UTRN: variants seen among roughly 807,000 people sequenced by gnomAD.
UTRN encodes the protein dystrophin-related protein 1.
Under a neutral mutation model 463.9 loss-of-function variants are expected in UTRN, and 283 were observed. The ratio of observed to expected loss-of-function variants is 0.61; its 90% CI spans 0.55 to 0.67. UTRN has a LOEUF of 0.67. UTRN is among the 30% of genes least tolerant of loss of function. The pLI is 0.00. For missense variants in UTRN, 3,922 were observed against 4,084.3 expected (o/e 0.96, Z 1.08); for synonymous variants, 1,442 against 1,431.5 (o/e 1.01, Z -0.17).
chr6:144,549,355 G>T (rs1798701105), intron 47 of UTRN, among the ~76,000 whole-genome samples: 1 of 152,156 alleles, frequency 6.6e-6, no homozygotes. Flanking sequence ...CAAGGATACT[G>T]ACAAGAATAT....
intron 2 of UTRN, among the ~76,000 whole-genome samples, chr6:144,360,079 TCCCTTCCCTTCCCTCCCCTC>T (rs1389599065): frequency 1.1e-4 from 11 of 96,518 alleles, no homozygotes; most frequent in African/African-American, 5.9e-4. Flanking sequence ...TCCCTTCCCT[TCCCTTCCCTTCCCTCCCCTC>T]CCCTCCCCTC....
At chr6:144,655,722 A>C (rs1196991871) in intron 51 of UTRN, among the ~76,000 whole-genome samples, 1 of 152,206 alleles carries the variant, frequency 6.6e-6, no homozygotes, top group Non-Finnish European at 1.5e-5. Context: ...TTACAGTTTT[A>C]AAAATTGTCT....
chr6:144,319,875 A>G (rs1434907836), intron 2 of UTRN, among the ~76,000 whole-genome samples: 12 of 141,836 alleles, frequency 8.5e-5, no homozygotes, highest in African/African-American at 3.2e-4. Flanking sequence ...TTTTTTTGAG[A>G]CGGAGTCTTG....
At chr6:144,798,842 C>T (rs555137857) in intron 64 of UTRN, among the ~76,000 whole-genome samples, 2 of 152,310 alleles carry the variant, frequency 1.3e-5, no homozygotes, top group East Asian at 1.9e-4. Context: ...CCCAAGTTCA[C>T]GCGATTCCCC....
chr6:144,807,952 T>G (rs900550648), intron 65 of UTRN, among the ~76,000 whole-genome samples: 3 of 152,306 alleles, frequency 2.0e-5, no homozygotes, highest in Non-Finnish European at 4.4e-5. Context: ...AGAGATCATC[T>G]AACTTATCTT....
At chr6:144,842,079 C>T (rs1013318313) in intron 73 of UTRN, among the ~76,000 whole-genome samples, 1 of 129,572 alleles carries the variant, frequency 7.7e-6, no homozygotes, top group Non-Finnish European at 1.5e-5. Flanking sequence ...CACCGCACTC[C>T]AGCCTGGGAG....
chr6:144,469,500 G>A (rs562169649), intron 23 of UTRN, among the ~76,000 whole-genome samples: 40 of 152,290 alleles, frequency 2.6e-4, no homozygotes, highest in African/African-American at 8.9e-4. Context: ...CCATGGCTAG[G>A]CAGGTGCTGA....
At chr6:144,523,250 G>T (rs1562522972) in intron 41 of UTRN, 62 bp downstream of exon 41, 1 of 1,293,324 alleles carries the variant, frequency 7.7e-7, no homozygotes, top group Non-Finnish European at 1.0e-6. Flanking sequence ...TGGGCGTGAA[G>T]AAGATCATGT....
intron 51 of UTRN, among the ~76,000 whole-genome samples, chr6:144,658,546 C>G (rs1009472110): frequency 3.9e-5 from 6 of 152,114 alleles, no homozygotes; most frequent in African/African-American, 1.4e-4. Context: ...GGGGTTCCCC[C>G]CCCCACTTTG....
intron 46 of UTRN, among the ~76,000 whole-genome samples, chr6:144,544,619 C>CTAT (rs561031414): frequency 1.0e-3 from 156 of 152,234 alleles, no homozygotes; most frequent in Middle Eastern, 3.4e-3. Context: ...GCACTCAGCG[C>CTAT]TAAGAGACAG....
chr6:144,419,376 TA>T (rs1784632705), intron 3 of UTRN, among the ~76,000 whole-genome samples: 1 of 152,316 alleles, frequency 6.6e-6, no homozygotes, highest in African/African-American at 2.4e-5. Context: ...CAGATATGAA[TA>T]AGTAACAGTG....
intron 2 of UTRN, among the ~76,000 whole-genome samples, chr6:144,312,291 G>C (rs1774983542): frequency 6.6e-6 from 1 of 152,106 alleles, no homozygotes; most frequent in African/African-American, 2.4e-5. Flanking sequence ...CGGCCTGATG[G>C]CAGGCGCCTG....
Position 144,488,658 on chromosome 6 carries a change from T to C in UTRN, c.3973-15T>C. 3 of 1,608,008 alleles carry C rather than the reference T, an allele frequency of 1.9e-6. No homozygotes were observed. The highest frequency in any genetic ancestry group is 2.5e-6 in the Non-Finnish European group (3 of 1,176,554). On this transcript the variant is annotated splice_polypyrimidine_tract_variant and intron_variant, in intron 29 of 74. Transcript: ENST00000367545. Reference sequence around the variant, plus strand: ...TGTGTTGGGCAACTAATGATTCAATTTCTCCTTTGTGCAGGCAGAGAGCAA... The same window carrying C: ...TGTGTTGGGCAACTAATGATTCAATCTCTCCTTTGTGCAGGCAGAGAGCAA...
intron 2 of UTRN, among the ~76,000 whole-genome samples, chr6:144,331,477 G>T (rs56655780): frequency 0.015 from 2,301 of 152,226 alleles, 66 homozygotes; most frequent in African/African-American, 0.053. Flanking sequence ...AGTCATATGG[G>T]GTAGAAATTA....
chr6:144,329,324 G>A (rs535374149), intron 2 of UTRN, among the ~76,000 whole-genome samples: 1 of 150,912 alleles, frequency 6.6e-6, no homozygotes, highest in African/African-American at 2.4e-5. Flanking sequence ...CTTGTGATCC[G>A]CCTGCCTCGG....
intron 2 of UTRN, among the ~76,000 whole-genome samples, chr6:144,340,177 G>T (rs1777038390): frequency 6.6e-6 from 1 of 150,832 alleles, no homozygotes; most frequent in South Asian, 2.1e-4. Context: ...CGTCTCAAGA[G>T]AAAAAAAAAG....
intron 34 of UTRN, among the ~76,000 whole-genome samples, chr6:144,500,479 A>C (rs1053733053): frequency 2.6e-5 from 4 of 152,084 alleles, no homozygotes; most frequent in African/African-American, 9.7e-5. Flanking sequence ...AGCTCTTTTA[A>C]TAAGATATTT....
intron 63 of UTRN, among the ~76,000 whole-genome samples, chr6:144,795,046 A>G (rs1181171780): frequency 6.6e-6 from 1 of 151,880 alleles, no homozygotes; most frequent in Non-Finnish European, 1.5e-5. Flanking sequence ...GACAGGCCCC[A>G]GTGTGTGATG....
intron 72 of UTRN, 68 bp from the exon 73 acceptor site, chr6:144,840,672 T>A: frequency 6.4e-7 from 1 of 1,556,092 alleles, no homozygotes; most frequent in Non-Finnish European, 8.8e-7. Context: ...CCTCCTGAAT[T>A]TGGGTTTTAG....
Sources: gnomAD v4.1 joint callset for allele counts (sites outside exome capture counted in the v4.1 genomes callset) on GRCh38, gnomAD v4.1.1 for gene constraint, MANE v1.5 for transcripts, NCBI Gene and HGNC (gene_info 2026-07-23, HGNC 2026-07-21) for gene names.